CPNE8: variants seen among roughly 807,000 people sequenced by gnomAD.
The protein encoded by CPNE8 is copine 8.
CPNE8 carries 45 observed loss-of-function variants against 81.5 expected under a neutral mutation model. The ratio of observed to expected loss-of-function variants is 0.55; its 90% confidence interval spans 0.44 to 0.71. CPNE8 has a LOEUF of 0.71. CPNE8 is among the 30% of genes least tolerant of loss of function. The pLI, the probability that CPNE8 is intolerant of heterozygous loss-of-function variation, is 0.00. For synonymous variants in CPNE8, 252 were observed against 226.3 expected (o/e 1.11, Z -1.02); for missense variants, 594 against 672.1 (o/e 0.88, Z 1.28).
chr12:38,789,232 T>C (rs1326958491), intron 6 of CPNE8, among the ~76,000 whole-genome samples: 2 of 151,894 alleles, frequency 1.3e-5, no homozygotes, highest in African/African-American at 4.8e-5. Context: ...CAAAATAGCA[T>C]AGTACTGGCA....
chr12:38,875,900 T>C (rs1944059429), intron 1 of CPNE8, among the ~76,000 whole-genome samples: 1 of 152,202 alleles, frequency 6.6e-6, no homozygotes, highest in South Asian at 2.1e-4. Context: ...ATTTGAGAAA[T>C]TACTGTGACA....
intron 6 of CPNE8, among the ~76,000 whole-genome samples, chr12:38,786,128 TA>T (rs1942180556): frequency 6.6e-6 from 1 of 152,022 alleles, no homozygotes; most frequent in Non-Finnish European, 1.5e-5. Context: ...CTGAATGGAT[TA>T]AAAAACAAAG....
chr12:38,808,733 C>A (rs887887533), intron 6 of CPNE8, among the ~76,000 whole-genome samples: 7 of 150,474 alleles, frequency 4.7e-5, no homozygotes, highest in African/African-American at 1.7e-4. Flanking sequence ...TGCACATGTA[C>A]CCTAAAACTT....
At position 38,652,917 on chromosome 12, in the gene CPNE8, G is replaced by T. The variant is rs1400436399; in HGVS notation, c.*965C>A. ...TGCACCTTGTGTGGCAACGTGGAAT[G>T]GTGATAACAAGAAATTCCGATCAAG... On this transcript the variant is annotated 3_prime_UTR_variant, in exon 20 of 20. Transcript: ENST00000331366. 19 of 152,516 alleles carry T rather than the reference G, an allele frequency of 1.2e-4. No individual in the cohort carries two copies. Among genetic ancestry groups the T allele is most frequent in the Non-Finnish European group, 1.5e-5 (1 of 68,014 alleles). The allele number at this position is 152,516 out of a possible 1,614,324, so 9.4% of individuals were successfully genotyped here. A position where few individuals can be genotyped will look rare whatever the true frequency, so the allele number is the denominator to read the frequency against.
At chr12:38,737,823 T>TTC (rs34037924) in intron 10 of CPNE8, among the ~76,000 whole-genome samples, 8,674 of 151,238 alleles carry the variant, frequency 0.057, 807 homozygotes, top group African/African-American at 0.2. Flanking sequence ...CACATACTCA[T>TTC]TCTCTCTCTC....
intron 6 of CPNE8, among the ~76,000 whole-genome samples, chr12:38,814,974 T>C (rs997383291): frequency 6.6e-6 from 1 of 152,172 alleles, no homozygotes; most frequent in African/African-American, 2.4e-5. Flanking sequence ...TGCAATACCT[T>C]ACGTATGATA....
chr12:38,795,227 G>C (rs974470492), intron 6 of CPNE8, among the ~76,000 whole-genome samples: 2 of 152,094 alleles, frequency 1.3e-5, no homozygotes, highest in Non-Finnish European at 2.9e-5. Flanking sequence ...TGAATGGGTA[G>C]GTCAATTCTC....
At chr12:38,906,318 G>A, upstream of CPNE8, 1 of 985,542 alleles carries the variant, frequency 1.0e-6, no homozygotes, top group Non-Finnish European at 1.2e-6. Flanking sequence ...ATCAATATAT[G>A]GGACAAGTGG....
At chr12:38,820,272 A>C (rs930350938) in intron 6 of CPNE8, among the ~76,000 whole-genome samples, 1 of 151,578 alleles carries the variant, frequency 6.6e-6, no homozygotes, top group Non-Finnish European at 1.5e-5. Context: ...GGGCGTGGTG[A>C]TGTGCACCTA....
intron 1 of CPNE8, among the ~76,000 whole-genome samples, chr12:38,896,200 G>A (rs1944386119): frequency 6.6e-6 from 1 of 152,136 alleles, no homozygotes. Context: ...GGGACTATCA[G>A]TGATATTTTG....
upstream of CPNE8, chr12:38,905,932 C>T: frequency 2.0e-6 from 2 of 985,368 alleles, no homozygotes; most frequent in Non-Finnish European, 2.4e-6. Flanking sequence ...ACCGCAAGCC[C>T]TCGCCGGCTC....
At chr12:38,739,318 CT>C (rs1423250418) in intron 10 of CPNE8, among the ~76,000 whole-genome samples, 3 of 152,040 alleles carry the variant, frequency 2.0e-5, no homozygotes, top group African/African-American at 7.2e-5. Flanking sequence ...ATGTTATATA[CT>C]TTTTCAACCA....
At chr12:38,809,514 T>TTCC (rs1162489180) in intron 6 of CPNE8, among the ~76,000 whole-genome samples, 1 of 152,198 alleles carries the variant, frequency 6.6e-6, no homozygotes, top group Non-Finnish European at 1.5e-5. Flanking sequence ...ATCTGCAAAG[T>TTCC]TCCTTTTGCC....
chr12:38,803,417 T>C (rs1478050217), intron 6 of CPNE8, among the ~76,000 whole-genome samples: 4 of 150,108 alleles, frequency 2.7e-5, no homozygotes, highest in Non-Finnish European at 5.9e-5. Context: ...CACATGATTA[T>C]CTCAATAGAT....
chr12:38,659,959 A>G (rs1451169581), intron 19 of CPNE8, among the ~76,000 whole-genome samples: 2 of 152,214 alleles, frequency 1.3e-5, no homozygotes, highest in Non-Finnish European at 2.9e-5. Context: ...TCAATGAAAT[A>G]AAAGAGGACA....
intron 7 of CPNE8, among the ~76,000 whole-genome samples, chr12:38,772,414 A>C (rs1421923795): frequency 1.3e-5 from 2 of 152,188 alleles, no homozygotes; most frequent in African/African-American, 2.4e-5. Flanking sequence ...CTAAAAATAA[A>C]TAAAAATAAA....
chr12:38,877,151 T>A (rs1944079218), intron 1 of CPNE8, among the ~76,000 whole-genome samples: 1 of 152,190 alleles, frequency 6.6e-6, no homozygotes, highest in South Asian at 2.1e-4. Flanking sequence ...GAAGACTTCT[T>A]ATTTTCTATG....
In CPNE8 at chr12:38,891,175, C is replaced by CCCA. The variant is rs750286846; in HGVS notation, c.98+14259_98+14261dup. ...CAACCTCCCAACCTCAAATAATCCA[C>CCCA]CCACCTCAGCCTCGCAAAGTGCTGC... On this transcript the variant is annotated intron_variant, in intron 1 of 19. Coordinates refer to ENST00000331366, the MANE Select transcript of CPNE8 (RefSeq NM_153634.3). 1.1e-4 allele frequency among the ~76,000 whole-genome samples: 17 copies of CCCA among 152,064 alleles called. No homozygotes were observed. The East Asian group carries it at 2.3e-3, about 21-fold the overall frequency.
At chr12:38,902,417 A>AAGAAAGAAAGAAAGAAAGAAAGAG (rs1166996215) in intron 1 of CPNE8, among the ~76,000 whole-genome samples, 757 of 72,860 alleles carry the variant, frequency 0.01, 59 homozygotes, top group Non-Finnish European at 0.014. Context: ...GAAAGAAAGA[A>AAGAAAGAAAGAAAGAAAGAAAGAG]AAAGAAAGAA....
Sources: gnomAD v4.1 joint callset for allele counts (sites outside exome capture counted in the v4.1 genomes callset) on GRCh38, gnomAD v4.1.1 for gene constraint, MANE v1.5 for transcripts, NCBI Gene and HGNC (gene_info 2026-07-23, HGNC 2026-07-21) for gene names.